Variants in ANKRD6 observed in about 807,000 individuals in gnomAD.
ANKRD6 encodes ankyrin repeat domain 6.
Under a neutral mutation model 82.3 loss-of-function variants are expected in ANKRD6, and 56 were observed. The ratio of observed to expected loss-of-function variants is 0.68; its 90% CI spans 0.55 to 0.85. The LOEUF (loss-of-function observed/expected upper bound fraction) is 0.85. Among genes scored for constraint, ANKRD6 ranks in the 40% least tolerant of loss-of-function variants. The probability of loss-of-function intolerance (pLI) is 0.00; values close to 1 mark genes in which losing one functional copy is unlikely to be tolerated. For missense variants in ANKRD6, 852 were observed against 907.6 expected, an observed-to-expected ratio of 0.94 and a Z score of 0.79; for synonymous variants, 347 against 352.1, an observed-to-expected ratio of 0.99 and a Z score of 0.16.
intron 1 of ANKRD6, among the ~76,000 whole-genome samples, chr6:89,552,674 G>A (rs1182196362): frequency 1.3e-5 from 2 of 152,136 alleles, no homozygotes; most frequent in Non-Finnish European, 2.9e-5. Flanking sequence ...TCTGTGCCAA[G>A]TGCCGTGCTT....
rs766916625 is a variant in ANKRD6 at position 89,595,994 on chromosome 6, G to A, written c.199G>A (p.Asp67Asn). 9.2e-5 allele frequency: 148 copies of A among 1,608,972 alleles called. 3 individuals carry two copies. The South Asian group carries it at 1.2e-3, about 13-fold the overall frequency. The change falls in exon 3 of 16, where the codon GAC becomes AAC. Residue 67 changes from aspartate to asparagine, a missense_variant. Coordinates refer to ENST00000339746, the MANE Select transcript of ANKRD6 (RefSeq NM_001242809.2). ...CCAGATCTTGCTGAAGGCTGGCTGC[G>A]ACCTTGATGTCCAGGATGATGTGAG... Reference protein sequence around the residue: ...VVQILLKAGCDLDVQDDGDQT... With the variant: ...VVQILLKAGCNLDVQDDGDQT...
chr6:89,606,863 G>C (rs187691574), intron 5 of ANKRD6, among the ~76,000 whole-genome samples: 1 of 150,416 alleles, frequency 6.6e-6, no homozygotes, highest in Non-Finnish European at 1.5e-5. Context: ...GTGGGGGCAG[G>C]TGGGGGCGGG....
At position 89,630,416 on chromosome 6, in the gene ANKRD6, T is replaced by A; in HGVS notation, c.1613-17T>A. The A allele has an allele frequency of 6.3e-7, 1 of 1,597,104 alleles. No individual in the cohort carries two copies. The highest frequency in any genetic ancestry group is 8.5e-7 in the Non-Finnish European group (1 of 1,171,194). On this transcript the variant is annotated splice_polypyrimidine_tract_variant and intron_variant, in intron 15 of 15. Coordinates refer to ENST00000339746, the MANE Select transcript of ANKRD6 (RefSeq NM_001242809.2). ...AATGTGGATTTGCTCTCACGTTTGT[T>A]TTCCTTCTGAAACCAGGTGTGGACC...
intron 9 of ANKRD6, among the ~76,000 whole-genome samples, chr6:89,620,565 T>C (rs1029289093): frequency 1.3e-5 from 2 of 152,188 alleles, no homozygotes; most frequent in African/African-American, 4.8e-5. Flanking sequence ...AGGACTCTTT[T>C]ACATTTTTAA....
Position 89,563,493 on chromosome 6 carries a change from G to A in ANKRD6, c.-143-3341G>A, listed in dbSNP as rs755317734. ...GAGGGGTGTAATTGATAGGCTTGGG[G>A]CAGAATACATTTCTCACTGCCAGCA... On this transcript the variant is annotated intron_variant, in intron 1 of 15. Coordinates refer to ENST00000339746, the MANE Select transcript of ANKRD6 (RefSeq NM_001242809.2). 8.5e-5 allele frequency among the ~76,000 whole-genome samples: 13 copies of A among 152,196 alleles called. 1 individual carries two copies. Among genetic ancestry groups the A allele is most frequent in the Non-Finnish European group, 1.9e-4 (13 of 68,032 alleles).
At chr6:89,546,472 G>A (rs545767101) in intron 1 of ANKRD6, among the ~76,000 whole-genome samples, 20 of 138,184 alleles carry the variant, frequency 1.4e-4, no homozygotes, top group African/African-American at 5.2e-4. Context: ...TCGATTGATC[G>A]ATTGATTTTG....
chr6:89,467,504 T>G (rs964403274), intron 1 of ANKRD6, among the ~76,000 whole-genome samples: 2 of 152,162 alleles, frequency 1.3e-5, no homozygotes, highest in African/African-American at 4.8e-5. Context: ...CTAGACACTA[T>G]CTTAGTATTT....
chr6:89,511,489 G>A (rs1455983152), intron 1 of ANKRD6, among the ~76,000 whole-genome samples: 1 of 152,214 alleles, frequency 6.6e-6, no homozygotes, highest in African/African-American at 2.4e-5. Flanking sequence ...GGCATAGTCT[G>A]TGGGGTCAGG....
chr6:89,472,078 G>A (rs1043173153), intron 1 of ANKRD6, among the ~76,000 whole-genome samples: 6 of 151,780 alleles, frequency 4.0e-5, no homozygotes, highest in African/African-American at 7.3e-5. Flanking sequence ...AATCTTTGGC[G>A]TTCCCTAGCT....
chr6:89,537,500 T>G (rs1347818442), intron 1 of ANKRD6, among the ~76,000 whole-genome samples: 2 of 152,092 alleles, frequency 1.3e-5, no homozygotes, highest in Admixed American at 1.3e-4. Flanking sequence ...AATGGACAAG[T>G]GCTTGTGGTT....
chr6:89,519,215 G>T (rs377728834), intron 1 of ANKRD6, among the ~76,000 whole-genome samples: 1 of 152,206 alleles, frequency 6.6e-6, no homozygotes, highest in East Asian at 1.9e-4. Flanking sequence ...AAGCAAGGGA[G>T]ATACTGGCTG....
intron 1 of ANKRD6, among the ~76,000 whole-genome samples, chr6:89,518,231 C>T (rs562538456): frequency 4.5e-4 from 68 of 151,924 alleles, no homozygotes; most frequent in Non-Finnish European, 8.2e-4. Context: ...GGAGAAACCC[C>T]GCCTCTACTA....
intron 6 of ANKRD6, 128 bp from the exon 7 acceptor site, chr6:89,613,664 G>A (rs1800790412): frequency 4.8e-6 from 4 of 838,624 alleles, no homozygotes; most frequent in Non-Finnish European, 7.4e-6. Flanking sequence ...TATGTTAAAA[G>A]AGCTGCTTAT....
intron 1 of ANKRD6, among the ~76,000 whole-genome samples, chr6:89,554,095 G>A (rs1265755246): frequency 6.6e-6 from 1 of 152,204 alleles, no homozygotes; most frequent in Non-Finnish European, 1.5e-5. Context: ...GAGTTATTGA[G>A]CATCCATTAC....
intron 1 of ANKRD6, among the ~76,000 whole-genome samples, chr6:89,450,973 C>G (rs1772736856): frequency 6.6e-6 from 1 of 152,064 alleles, no homozygotes; most frequent in Non-Finnish European, 1.5e-5. Flanking sequence ...GGGTCTGTAA[C>G]CAAACCACAG....
chr6:89,554,236 C>A (rs1186434626), intron 1 of ANKRD6, among the ~76,000 whole-genome samples: 1 of 152,212 alleles, frequency 6.6e-6, no homozygotes, highest in Non-Finnish European at 1.5e-5. Flanking sequence ...GGTGAGGTCG[C>A]ATTGCCTCTG....
intron 1 of ANKRD6, among the ~76,000 whole-genome samples, chr6:89,507,531 T>C (rs943505952): frequency 6.6e-6 from 1 of 152,246 alleles, no homozygotes; most frequent in Non-Finnish European, 1.5e-5. Context: ...GGAATTAAGC[T>C]AGCCTAATTA....
In ANKRD6 at chr6:89,616,591, C is replaced by T. The variant is rs777566930; in HGVS notation, c.648C>T (p.Ala216=). Residue 216 remains alanine, a synonymous_variant, in exon 8 of 16, where the codon GCC becomes GCT. Coordinates refer to ENST00000339746, the MANE Select transcript of ANKRD6 (RefSeq NM_001242809.2). ...ACACAGCACTTCACGTTGCTGCTGCCCTAAATCACAAGAAGGTGGCCAAAA... is the reference window on the plus strand; with the variant it reads ...ACACAGCACTTCACGTTGCTGCTGCTCTAAATCACAAGAAGGTGGCCAAAA... ...AGDTALHVAA[A]LNHKKVAKIL... 1 of 1,613,986 alleles carries T rather than the reference C, an allele frequency of 6.2e-7. No individual in the cohort carries two copies. The highest frequency in any genetic ancestry group is 1.1e-5 in the South Asian group (1 of 91,078).
chr6:89,529,646 A>G (rs918057977), intron 1 of ANKRD6, among the ~76,000 whole-genome samples: 1 of 152,226 alleles, frequency 6.6e-6, no homozygotes, highest in South Asian at 2.1e-4. Context: ...TAGCTTTGAC[A>G]TGCCTTCATT....
Sources: allele counts gnomAD v4.1 joint callset (sites outside exome capture counted in the v4.1 genomes callset), GRCh38; gene constraint gnomAD v4.1.1; transcripts MANE v1.5; gene names NCBI Gene and HGNC (gene_info 2026-07-23, HGNC 2026-07-21).